BMPER: variants seen among roughly 807,000 people sequenced by gnomAD.
BMPER encodes the protein BMP-binding endothelial regulator protein.
BMPER carries 45 observed loss-of-function variants against 87.3 expected under a neutral mutation model. The observed-to-expected ratio is 0.52, with a 90% CI of 0.41 to 0.66. The LOEUF is 0.66. Among genes scored for constraint, BMPER ranks in the 30% least tolerant of loss-of-function variants. BMPER has a pLI of 0.00. For missense variants in BMPER, 784 were observed against 867.5 expected, an observed-to-expected ratio of 0.90 and a Z score of 1.21; for synonymous variants, 326 against 316.2, an observed-to-expected ratio of 1.03 and a Z score of -0.33.
At chr7:34,034,719 C>T (rs894060471) in intron 6 of BMPER, among the ~76,000 whole-genome samples, 2 of 152,312 alleles carry the variant, frequency 1.3e-5, no homozygotes, top group Middle Eastern at 3.4e-3. Context: ...TGTGCTTTTA[C>T]TTTCAGTATT....
intron 6 of BMPER, among the ~76,000 whole-genome samples, chr7:34,025,267 G>A (rs548328578): frequency 1.3e-5 from 2 of 152,128 alleles, no homozygotes; most frequent in East Asian, 3.9e-4. Flanking sequence ...TGCTTCCTTT[G>A]ATTTTTAAAT....
chr7:33,997,477 C>T (rs566842097), intron 6 of BMPER, among the ~76,000 whole-genome samples: 3 of 152,204 alleles, frequency 2.0e-5, no homozygotes, highest in African/African-American at 4.8e-5. Flanking sequence ...TAGTGTCTGG[C>T]GCTTCCCTCT....
At chr7:33,998,781 C>T (rs531851830) in intron 6 of BMPER, among the ~76,000 whole-genome samples, 1 of 152,208 alleles carries the variant, frequency 6.6e-6, no homozygotes, top group Non-Finnish European at 1.5e-5. Flanking sequence ...TGCCGAAGGC[C>T]TGGCAGATGA....
chr7:33,968,440 G>GAATGGCAC (rs1262233124), intron 4 of BMPER, among the ~76,000 whole-genome samples: 1 of 152,184 alleles, frequency 6.6e-6, no homozygotes, highest in Non-Finnish European at 1.5e-5. Flanking sequence ...CTTCTCTGCA[G>GAATGGCAC]AATGGCACAA....
At chr7:34,003,576 G>A (rs1786646729) in intron 6 of BMPER, among the ~76,000 whole-genome samples, 1 of 151,964 alleles carries the variant, frequency 6.6e-6, no homozygotes, top group Non-Finnish European at 1.5e-5. Flanking sequence ...TTTCAGCCTA[G>A]AGGAGTCCGT....
At position 34,024,591 on chromosome 7, in the gene BMPER, TTCTCCATA is replaced by T. The variant is rs988399912; in HGVS notation, c.577-21712_577-21705del. 1.1e-4 allele frequency among the ~76,000 whole-genome samples: 17 copies of T among 151,128 alleles called. 1 individual carries two copies. Among genetic ancestry groups the T allele is most frequent in the African/African-American group, 4.1e-4 (17 of 41,160 alleles). The stretch of plus-strand genomic sequence containing the variant: ...CTTTTAGCTGTTTCTTCTGATGTCT[TTCTCCATA>T]TCACTCAATTCTATGCATGTACTGC... On this transcript the variant is annotated intron_variant, in intron 6 of 14. Coordinates refer to ENST00000649409, the MANE Select transcript of BMPER (RefSeq NM_001365308.1).
At chr7:33,937,481 C>A in intron 3 of BMPER, 93 bp downstream of exon 3, 2 of 1,303,762 alleles carry the variant, frequency 1.5e-6, no homozygotes, top group Non-Finnish European at 2.2e-6. Flanking sequence ...CAGCTTTTGG[C>A]TGGGGTGCAC....
chr7:33,943,629 C>G (rs2128611211), intron 3 of BMPER, among the ~76,000 whole-genome samples: 1 of 152,244 alleles, frequency 6.6e-6, no homozygotes, highest in Non-Finnish European at 1.5e-5. Flanking sequence ...TACTAAATGG[C>G]TCCAAAAAAG....
Position 33,963,569 on chromosome 7 carries a change from G to A in BMPER, c.320-2910G>A, listed in dbSNP as rs546758840. Among the ~76,000 whole-genome samples the A allele has an allele frequency of 5.9e-5, 9 of 152,148 alleles. No homozygotes were observed. The South Asian group carries it at 1.5e-3, about 25-fold the overall frequency. On this transcript the variant is annotated intron_variant, in intron 3 of 14. Transcript: ENST00000649409. ...AGCACTTTGGGAAGCAGAGGCAGGCGGATCACTTGAGGTCAGGAGTTCGAG... is the reference window on the plus strand; with the variant it reads ...AGCACTTTGGGAAGCAGAGGCAGGCAGATCACTTGAGGTCAGGAGTTCGAG...
intron 2 of BMPER, among the ~76,000 whole-genome samples, chr7:33,934,611 G>T (rs1784560642): frequency 6.6e-6 from 1 of 151,658 alleles, no homozygotes; most frequent in South Asian, 2.1e-4. Flanking sequence ...TATTTATTAT[G>T]AATCTTGGGA....
intron 6 of BMPER, among the ~76,000 whole-genome samples, chr7:34,014,367 C>T (rs530653280): frequency 3.9e-5 from 6 of 151,978 alleles, no homozygotes; most frequent in African/African-American, 1.2e-4. Context: ...GAGAAACTTC[C>T]TTGAATGCAT....
chr7:33,959,012 C>G (rs1370462527), intron 3 of BMPER, among the ~76,000 whole-genome samples: 10 of 152,290 alleles, frequency 6.6e-5, no homozygotes, highest in South Asian at 2.1e-4. Flanking sequence ...TGGACACGCT[C>G]TCTCTCCTGC....
At chr7:33,949,831 AAC>A (rs1784978883) in intron 3 of BMPER, among the ~76,000 whole-genome samples, 1 of 152,152 alleles carries the variant, frequency 6.6e-6, no homozygotes, top group South Asian at 2.1e-4. Flanking sequence ...CTTTTTCTCT[AAC>A]CAAAAAAAGA....
chr7:34,058,506 C>G (rs1450458668), intron 10 of BMPER, among the ~76,000 whole-genome samples: 2 of 152,198 alleles, frequency 1.3e-5, no homozygotes, highest in African/African-American at 4.8e-5. Flanking sequence ...TCTTTTCTCT[C>G]CCTTCTCAAA....
At chr7:34,092,285 GA>G (rs1789407572) in intron 13 of BMPER, among the ~76,000 whole-genome samples, 2 of 152,156 alleles carry the variant, frequency 1.3e-5, no homozygotes, top group East Asian at 3.9e-4. Flanking sequence ...TGACCCTTCT[GA>G]ATCTCTCCAT....
At chr7:34,078,069 A>G (rs577674024) in intron 11 of BMPER, among the ~76,000 whole-genome samples, 27 of 152,288 alleles carry the variant, frequency 1.8e-4, no homozygotes, top group African/African-American at 6.0e-4. Flanking sequence ...TTAATTTTCT[A>G]TAGAAATCTT....
rs537063898 is a variant in BMPER, at chr7:34,064,471, AAAG to A, written c.1078+2427_1078+2429del. On this transcript the variant is annotated intron_variant, in intron 11 of 14. Transcript: ENST00000649409. ...AGAAAACTGGTGACATCGTAAAGAAAAAGAAAAGAATACAAATGGAAGGAAAGG... is the reference window on the plus strand; with the variant it reads ...AGAAAACTGGTGACATCGTAAAGAAAAAAAGAATACAAATGGAAGGAAAGG... 5.9e-3 allele frequency among the ~76,000 whole-genome samples: 898 copies of A among 152,340 alleles called. 2 individuals are homozygous for A. The highest frequency in any genetic ancestry group is 0.01 in the Non-Finnish European group (702 of 68,032).
intron 3 of BMPER, among the ~76,000 whole-genome samples, chr7:33,948,684 A>G (rs1173765846): frequency 2.0e-5 from 3 of 152,136 alleles, no homozygotes; most frequent in African/African-American, 7.2e-5. Flanking sequence ...GGCCATGTGA[A>G]GATGGTGCCT....
At chr7:34,000,509 A>G (rs1340543617) in intron 6 of BMPER, among the ~76,000 whole-genome samples, 2 of 152,154 alleles carry the variant, frequency 1.3e-5, no homozygotes, top group Non-Finnish European at 2.9e-5. Flanking sequence ...CCTAAGAGAT[A>G]CAGTCTTAAT....
Sources: allele counts gnomAD v4.1 joint callset (sites outside exome capture counted in the v4.1 genomes callset), GRCh38; gene constraint gnomAD v4.1.1; transcripts MANE v1.5; gene names NCBI Gene and HGNC (gene_info 2026-07-23, HGNC 2026-07-21).